COPG2: variants seen among roughly 807,000 people sequenced by gnomAD.
COPG2 encodes the protein coat protein complex I subunit gamma 2.
Under a neutral mutation model 46.3 loss-of-function variants are expected in COPG2, and 37 were observed. The observed-to-expected ratio is 0.80, with a 90% CI of 0.61 to 1.05. COPG2 has a LOEUF of 1.05. Among genes scored for constraint, COPG2 ranks in the 50% least tolerant of loss-of-function variants. The probability of loss-of-function intolerance (pLI) is 0.00; values close to 1 mark genes in which losing one functional copy is unlikely to be tolerated. For missense variants in COPG2, 427 were observed against 387.8 expected, an observed-to-expected ratio of 1.10 and a Z score of -0.85; for synonymous variants, 159 against 129.7, an observed-to-expected ratio of 1.23 and a Z score of -1.53.
At chr7:130,641,414 G>A (rs1554457259) in intron 5 of COPG2, among the ~76,000 whole-genome samples, 1 of 152,084 alleles carries the variant, frequency 6.6e-6, no homozygotes, top group Non-Finnish European at 1.5e-5. Flanking sequence ...ATATTTAGAT[G>A]ACAGGCAGAA....
At position 130,609,783 on chromosome 7, in the gene COPG2, C is replaced by T. The variant is rs563173368; in HGVS notation, c.737+1170G>A. Among the ~76,000 whole-genome samples, 14 of 152,218 alleles carry T rather than the reference C, an allele frequency of 9.2e-5. No homozygotes were observed. The East Asian group carries it at 2.5e-3, about 27-fold the overall frequency. Reference sequence around the variant, plus strand: ...TCTTTTTTCCACTGTGTCCAATCTGCTATTAAGTGCTTCAAATAAATTTTT... The same window carrying T: ...TCTTTTTTCCACTGTGTCCAATCTGTTATTAAGTGCTTCAAATAAATTTTT... On this transcript the variant is annotated intron_variant, in intron 9 of 23. Transcript: ENST00000425248.
intron 3 of COPG2, among the ~76,000 whole-genome samples, chr7:130,663,730 C>CTT (rs71178602): frequency 3.9e-4 from 26 of 67,146 alleles, no homozygotes; most frequent in Non-Finnish European, 5.3e-4. Context: ...CATTTCTTTT[C>CTT]TTTTTTTTTT....
At chr7:130,641,765 C>T (rs1055738939) in intron 5 of COPG2, among the ~76,000 whole-genome samples, 3 of 152,182 alleles carry the variant, frequency 2.0e-5, no homozygotes, top group East Asian at 3.9e-4. Flanking sequence ...AAAGTTGTTT[C>T]GGGCTTGTAT....
intron 20 of COPG2, among the ~76,000 whole-genome samples, chr7:130,518,928 C>T (rs1799701565): frequency 6.6e-6 from 1 of 151,354 alleles, no homozygotes; most frequent in African/African-American, 2.4e-5. Context: ...ACTGCTTGAA[C>T]CCCGGAGGTG....
chr7:130,589,833 C>A (rs920591112), intron 9 of COPG2, among the ~76,000 whole-genome samples: 8 of 152,094 alleles, frequency 5.3e-5, no homozygotes, highest in Admixed American at 6.5e-5. Context: ...TCTGGAGCTG[C>A]GCGTTAATCC....
At chr7:130,582,411 C>T (rs1303287896) in intron 9 of COPG2, among the ~76,000 whole-genome samples, 61 of 150,604 alleles carry the variant, frequency 4.1e-4, no homozygotes, top group African/African-American at 1.3e-3. Context: ...AAAACCTAGG[C>T]ATTACCATTC....
At chr7:130,541,141 C>G (rs1035474142) in intron 20 of COPG2, among the ~76,000 whole-genome samples, 8 of 152,002 alleles carry the variant, frequency 5.3e-5, no homozygotes, top group Non-Finnish European at 1.0e-4. Context: ...AACACAGTTC[C>G]CGACAGATCA....
chr7:130,550,502 C>T (rs1022882512), intron 17 of COPG2, 22 bp downstream of exon 17: 5 of 375,554 alleles, frequency 1.3e-5, no homozygotes, highest in African/African-American at 1.1e-4. Flanking sequence ...TACTTATACA[C>T]AGAAAAATGA....
At chr7:130,612,423 T>C (rs782670877) in intron 7 of COPG2, among the ~76,000 whole-genome samples, 185 bp from the exon 8 acceptor site, 2 of 152,162 alleles carry the variant, frequency 1.3e-5, no homozygotes, top group Admixed American at 1.3e-4. Context: ...TTTTCTCCCA[T>C]ACCTGTTACA....
At chr7:130,637,237 T>G (rs1554456438) in intron 5 of COPG2, among the ~76,000 whole-genome samples, 3 of 152,326 alleles carry the variant, frequency 2.0e-5, no homozygotes, top group South Asian at 4.1e-4. Flanking sequence ...CTTTGTGATA[T>G]TCTCTGTATT....
chr7:130,619,101 T>C (rs890751857), intron 5 of COPG2, among the ~76,000 whole-genome samples: 2 of 152,228 alleles, frequency 1.3e-5, no homozygotes, highest in Admixed American at 6.5e-5. Context: ...GTTACATCTC[T>C]ATTTTTAGTA....
At chr7:130,527,343 C>A (rs1799784052) in intron 20 of COPG2, among the ~76,000 whole-genome samples, 1 of 150,290 alleles carries the variant, frequency 6.7e-6, no homozygotes, top group South Asian at 2.1e-4. Context: ...GAGGGAAATG[C>A]TAAGGTCTTT....
intron 9 of COPG2, among the ~76,000 whole-genome samples, chr7:130,582,028 C>A (rs1794156752): frequency 1.3e-5 from 2 of 152,100 alleles, no homozygotes; most frequent in Non-Finnish European, 2.9e-5. Context: ...AAAAAGGGCC[C>A]ACATCACCAA....
intron 5 of COPG2, among the ~76,000 whole-genome samples, chr7:130,619,241 A>C (rs569331514): frequency 3.9e-5 from 6 of 152,194 alleles, no homozygotes; most frequent in Non-Finnish European, 5.9e-5. Flanking sequence ...AGCTAGTGTG[A>C]CTAATGAACT....
At chr7:130,642,883 C>A (rs1300271463) in intron 5 of COPG2, among the ~76,000 whole-genome samples, 1 of 152,032 alleles carries the variant, frequency 6.6e-6, no homozygotes, top group Non-Finnish European at 1.5e-5. Context: ...ATTAGCTGGG[C>A]GTGGTGGCAC....
At chr7:130,655,845 G>C (rs1328092354) in intron 4 of COPG2, among the ~76,000 whole-genome samples, 1 of 151,880 alleles carries the variant, frequency 6.6e-6, no homozygotes. Context: ...ATAGTAGCAG[G>C]GTAAATCCAG....
chr7:130,659,804 C>G (rs1478210796), intron 4 of COPG2, among the ~76,000 whole-genome samples: 5 of 152,028 alleles, frequency 3.3e-5, no homozygotes, highest in African/African-American at 1.2e-4. Context: ...CCCAGCTACT[C>G]CAGAGGCTGA....
rs200818320 is a variant in COPG2, at chr7:130,612,205, G to T, written c.526C>A (p.Arg176Ser). 6.2e-7 allele frequency: 1 copy of T among 1,608,890 alleles called. No individual in the cohort carries two copies. The change falls in exon 8 of 24, where the codon CGC becomes AGC. Residue 176 changes from arginine to serine, a missense_variant. Physicochemically the swap from Arg to Ser is moderately radical, Grantham distance 110. Coordinates refer to ENST00000425248, the MANE Select transcript of COPG2 (RefSeq NM_012133.6). The part of the protein sequence containing the change: ...MMKISYDVVK[R>S]WINEAQEAAS... Reference sequence around the variant, plus strand: ...GCTTCTTGGGCTTCATTGATCCAGCGCTTAACCACATCATAGCTTATCTTC... The same window carrying T: ...GCTTCTTGGGCTTCATTGATCCAGCTCTTAACCACATCATAGCTTATCTTC...
At chr7:130,613,489 T>C (rs1794893352) in intron 7 of COPG2, 55 bp downstream of exon 7, 1 of 1,037,678 alleles carries the variant, frequency 9.6e-7, no homozygotes, top group South Asian at 1.4e-5. Flanking sequence ...TACTTTGTTT[T>C]CGCAACTCAA....
Sources: gnomAD v4.1 joint callset for allele counts (sites outside exome capture counted in the v4.1 genomes callset) on GRCh38, gnomAD v4.1.1 for gene constraint, MANE v1.5 for transcripts, NCBI Gene and HGNC (gene_info 2026-07-23, HGNC 2026-07-21) for gene names.